DOK6: variants seen among roughly 807,000 people sequenced by gnomAD.
The protein encoded by DOK6 is docking protein 6.
DOK6 carries 22 observed loss-of-function variants against 44.0 expected under a neutral mutation model. The ratio of observed to expected loss-of-function variants is 0.50; its 90% CI spans 0.36 to 0.71. DOK6 has a LOEUF of 0.71. Among genes scored for constraint, DOK6 ranks in the 30% least tolerant of loss-of-function variants. The pLI, the probability that DOK6 is intolerant of heterozygous loss-of-function variation, is 0.00. For missense variants in DOK6, 340 were observed against 416.4 expected (o/e 0.82, Z 1.60); for synonymous variants, 166 against 145.5 (o/e 1.14, Z -1.01).
chr18:69,760,377 T>C (rs1979506664), intron 7 of DOK6, among the ~76,000 whole-genome samples: 1 of 152,118 alleles, frequency 6.6e-6, no homozygotes, highest in Admixed American at 6.6e-5. Context: ...ATCCCTGTAA[T>C]CCCAGCACTT....
rs887059271 is a variant in DOK6, at chr18:69,448,743, T to C, written c.66+47433T>C. On this transcript the variant is annotated intron_variant, in intron 1 of 7. Coordinates refer to ENST00000382713, the MANE Select transcript of DOK6 (RefSeq NM_152721.6). ...TGAGAGATTATTAATTTTTGGAACATTGAATAATCAGAAGTATTGTTATAT... is the reference window on the plus strand; with the variant it reads ...TGAGAGATTATTAATTTTTGGAACACTGAATAATCAGAAGTATTGTTATAT... 6.3e-4 allele frequency among the ~76,000 whole-genome samples: 96 copies of C among 152,228 alleles called. 3 individuals are homozygous for C. Among genetic ancestry groups the C allele is most frequent in the Non-Finnish European group, 2.9e-5 (2 of 68,042 alleles).
chr18:69,666,361 C>G (rs1474284370), intron 3 of DOK6, among the ~76,000 whole-genome samples: 2 of 152,148 alleles, frequency 1.3e-5, no homozygotes, highest in Admixed American at 6.5e-5. Flanking sequence ...ATTTCCTTTC[C>G]CTTGCTGACT....
intron 7 of DOK6, among the ~76,000 whole-genome samples, chr18:69,782,838 A>G (rs1357255937): frequency 6.6e-6 from 1 of 152,178 alleles, no homozygotes; most frequent in Admixed American, 6.5e-5. Context: ...ATGTGATTTA[A>G]AACACAAGCT....
rs183654715 is a variant in DOK6, at chr18:69,814,997, G to C, written c.857-26247G>C. Among the ~76,000 whole-genome samples, 125 of 152,076 alleles carry C rather than the reference G, an allele frequency of 8.2e-4. 3 individuals carry two copies. Among genetic ancestry groups the C allele is most frequent in the African/African-American group, 2.8e-3 (118 of 41,518 alleles). On this transcript the variant is annotated intron_variant, in intron 7 of 7. Coordinates refer to ENST00000382713, the MANE Select transcript of DOK6 (RefSeq NM_152721.6). Reference sequence around the variant, plus strand: ...CTCTTCTCTGATATTTTTTTTCTGAGGTCATTGTGATCAAACCTGACACCC... The same window carrying C: ...CTCTTCTCTGATATTTTTTTTCTGACGTCATTGTGATCAAACCTGACACCC...
intron 3 of DOK6, among the ~76,000 whole-genome samples, chr18:69,674,019 A>C (rs1463266878): frequency 6.6e-6 from 1 of 152,208 alleles, no homozygotes; most frequent in Non-Finnish European, 1.5e-5. Flanking sequence ...AGATTATTGC[A>C]TTTGTATTGA....
intron 2 of DOK6, among the ~76,000 whole-genome samples, chr18:69,574,679 G>T (rs958384258): frequency 6.6e-6 from 1 of 152,040 alleles, no homozygotes; most frequent in Non-Finnish European, 1.5e-5. Flanking sequence ...CAAAAAAATT[G>T]CATGGGGCAA....
intron 7 of DOK6, among the ~76,000 whole-genome samples, chr18:69,782,281 A>G (rs1453834810): frequency 1.4e-5 from 2 of 144,632 alleles, no homozygotes; most frequent in East Asian, 2.0e-4. Flanking sequence ...GCGAGATCTC[A>G]GCTCACTGCA....
At chr18:69,603,966 T>C (rs2144625445) in intron 3 of DOK6, among the ~76,000 whole-genome samples, 1 of 152,232 alleles carries the variant, frequency 6.6e-6, no homozygotes, top group Admixed American at 6.5e-5. Flanking sequence ...AATTTTATTT[T>C]AACTAGGATA....
chr18:69,609,319 TATCCAATTCCAAAACAGAATAAAC>T (rs1984079502), intron 3 of DOK6, among the ~76,000 whole-genome samples: 1 of 152,128 alleles, frequency 6.6e-6, no homozygotes, highest in South Asian at 2.1e-4. Context: ...ATACATAAAT[TATCCAATTCCAAAACAGAATAAAC>T]ATCTTTCCAA....
At chr18:69,613,357 T>G (rs1984209056) in intron 3 of DOK6, among the ~76,000 whole-genome samples, 1 of 152,166 alleles carries the variant, frequency 6.6e-6, no homozygotes, top group Admixed American at 6.5e-5. Context: ...TTCAACATTT[T>G]GCCTGTTCAT....
chr18:69,829,048 G>T (rs1981830339), intron 7 of DOK6, among the ~76,000 whole-genome samples: 1 of 150,240 alleles, frequency 6.7e-6, no homozygotes, highest in South Asian at 2.1e-4. Context: ...TAGTAAAGCA[G>T]CAAAAAGGAG....
At chr18:69,651,629 C>G (rs1450886528) in intron 3 of DOK6, among the ~76,000 whole-genome samples, 2 of 151,814 alleles carry the variant, frequency 1.3e-5, no homozygotes, top group Non-Finnish European at 2.9e-5. Flanking sequence ...GCTAGGATTA[C>G]AGACATGTGC....
At chr18:69,726,851 T>TA (rs1568106895) in intron 5 of DOK6, among the ~76,000 whole-genome samples, 2 of 131,918 alleles carry the variant, frequency 1.5e-5, no homozygotes, top group Admixed American at 8.1e-5. Flanking sequence ...GTGATCCTTT[T>TA]TAAAAAAAAA....
rs377409591 is a variant in DOK6, at chr18:69,699,698, TAAG to T, written c.599+1108_599+1110del. 2.4e-3 allele frequency among the ~76,000 whole-genome samples: 365 copies of T among 152,312 alleles called. 4 individuals carry two copies. The highest frequency in any genetic ancestry group is 2.9e-3 in the Non-Finnish European group (195 of 68,012). ...AGCCATTGGGAAATACAAATTCTAA[TAAG>T]AAAATGAATATTTTTAAGATATGTT... On this transcript the variant is annotated intron_variant, in intron 5 of 7. Transcript: ENST00000382713.
At chr18:69,730,206 T>A (rs77633709) in intron 5 of DOK6, among the ~76,000 whole-genome samples, 1,853 of 152,352 alleles carry the variant, frequency 0.012, 41 homozygotes, top group African/African-American at 0.042. Flanking sequence ...CCACCCTGTC[T>A]CAAACACCAA....
At chr18:69,747,608 C>T (rs1483206268) in intron 6 of DOK6, among the ~76,000 whole-genome samples, 1 of 151,342 alleles carries the variant, frequency 6.6e-6, no homozygotes, top group African/African-American at 2.4e-5. Context: ...CTCCCCCCCA[C>T]AGAAGATATC....
At chr18:69,598,821 G>C (rs1033874301) in intron 2 of DOK6, among the ~76,000 whole-genome samples, 1 of 151,942 alleles carries the variant, frequency 6.6e-6, no homozygotes, top group Non-Finnish European at 1.5e-5. Context: ...CATAAATCTT[G>C]GATGGGCTTT....
intron 7 of DOK6, among the ~76,000 whole-genome samples, chr18:69,781,655 A>C (rs758733943): frequency 6.6e-6 from 1 of 152,192 alleles, no homozygotes; most frequent in Non-Finnish European, 1.5e-5. Context: ...AAGTAGATTT[A>C]AAATAGTGTT....
intron 1 of DOK6, among the ~76,000 whole-genome samples, chr18:69,509,445 G>A (rs557697544): frequency 1.3e-4 from 20 of 152,066 alleles, no homozygotes; most frequent in Non-Finnish European, 2.5e-4. Context: ...AGACCATCCT[G>A]GCTAACATGG....
Sources: gnomAD v4.1 joint callset for allele counts (sites outside exome capture counted in the v4.1 genomes callset) on GRCh38, gnomAD v4.1.1 for gene constraint, MANE v1.5 for transcripts, NCBI Gene and HGNC (gene_info 2026-07-23, HGNC 2026-07-21) for gene names.